Variants in BEND6 observed in about 807,000 individuals in gnomAD.
BEND6 encodes the protein BEN domain-containing protein 6.
A neutral mutation model predicts 31.8 loss-of-function variants in BEND6; 24 were observed. The ratio of observed to expected loss-of-function variants is 0.75; its 90% CI spans 0.55 to 1.06. BEND6 has a LOEUF of 1.06. BEND6 is among the 50% of genes least tolerant of loss of function. The pLI is 0.00. For missense variants in BEND6, 294 were observed against 327.4 expected (o/e 0.90, Z 0.79); for synonymous variants, 109 against 114.6 (o/e 0.95, Z 0.31).
chr6:57,000,910 A>G (rs1182296133), intron 3 of BEND6, among the ~76,000 whole-genome samples: 1 of 150,794 alleles, frequency 6.6e-6, no homozygotes, highest in Non-Finnish European at 1.5e-5. Flanking sequence ...AAAGAAGTGC[A>G]TAGACCTATA....
At chr6:56,959,089 G>A (rs1370101314) in intron 1 of BEND6, among the ~76,000 whole-genome samples, 1 of 152,188 alleles carries the variant, frequency 6.6e-6, no homozygotes, top group African/African-American at 2.4e-5. Context: ...AGCCAGAAGA[G>A]GGAGAGAAAT....
At chr6:56,975,823 G>C in intron 1 of BEND6, 1 of 533,780 alleles carries the variant, frequency 1.9e-6, no homozygotes, top group Non-Finnish European at 3.8e-6. Flanking sequence ...CATTTACTCT[G>C]TAGGCCAAGA....
At chr6:57,020,089 C>CA (rs549732042) in intron 6 of BEND6, among the ~76,000 whole-genome samples, 1 of 151,734 alleles carries the variant, frequency 6.6e-6, no homozygotes, top group Non-Finnish European at 1.5e-5. Context: ...ACCTTGTTTC[C>CA]AAAAAAAGAA....
At chr6:56,979,775 G>A (rs1826008064) in intron 1 of BEND6, among the ~76,000 whole-genome samples, 2 of 152,194 alleles carry the variant, frequency 1.3e-5, no homozygotes. Context: ...TTGGCTTGCA[G>A]TATCTAAAAT....
chr6:56,992,393 G>T lies in BEND6; in HGVS notation c.136G>T (p.Gly46Ter). Residue 46 changes from glycine to a stop codon, truncating the protein, a stop_gained, in exon 3 of 7, where the codon GGA (glycine) becomes TGA (stop). Coordinates refer to ENST00000370746, the MANE Select transcript of BEND6 (RefSeq NM_152731.3). LOFTEE classifies it high-confidence loss of function. ...TCTATTTTAGAGAGACCCATATTCG[G>T]GAAATGCCTTTCTGCCTGGTGAAAG... ...MDKGQRDPYS[G>*]NAFLPGESSS... 1 of 1,608,872 alleles carries T rather than the reference G, an allele frequency of 6.2e-7. No individual in the cohort carries two copies.
intron 1 of BEND6, among the ~76,000 whole-genome samples, chr6:56,963,294 C>G (rs551082632): frequency 2.0e-5 from 3 of 152,350 alleles, no homozygotes; most frequent in African/African-American, 7.2e-5. Context: ...GACACTCCAG[C>G]AGAACGTCAG....
chr6:56,974,770 G>C (rs1191527726), intron 1 of BEND6, among the ~76,000 whole-genome samples: 1 of 151,816 alleles, frequency 6.6e-6, no homozygotes, highest in Non-Finnish European at 1.5e-5. Flanking sequence ...ATATCTTATT[G>C]TTCAGGAAAC....
At chr6:56,993,210 T>C (rs1249488995) in intron 3 of BEND6, among the ~76,000 whole-genome samples, 8 of 152,256 alleles carry the variant, frequency 5.3e-5, no homozygotes, top group Non-Finnish European at 8.8e-5. Context: ...GATGTTCATG[T>C]GTTTATTTTT....
At chr6:57,018,615 T>A in intron 6 of BEND6, 58 bp downstream of exon 6, 1 of 1,358,748 alleles carries the variant, frequency 7.4e-7, no homozygotes, top group Non-Finnish European at 9.6e-7. Flanking sequence ...ATAATACTTT[T>A]ATTTTATTGG....
chr6:57,020,188 G>C (rs555079200), intron 6 of BEND6, among the ~76,000 whole-genome samples: 3 of 152,114 alleles, frequency 2.0e-5, no homozygotes, highest in African/African-American at 7.2e-5. Flanking sequence ...TCAATTATTA[G>C]ATAATTGCTT....
At position 56,981,729 on chromosome 6, in the gene BEND6, A is replaced by G. The variant is rs975954032; in HGVS notation, c.-82A>G. On this transcript the variant is annotated 5_prime_UTR_variant, in exon 2 of 7. Coordinates refer to ENST00000370746, the MANE Select transcript of BEND6 (RefSeq NM_152731.3). Reference sequence around the variant, plus strand: ...TTTTAAGGGAAAGCATTAACTTTTGAGCTACGTCCAGAATAGCATCATCTT... The same window carrying G: ...TTTTAAGGGAAAGCATTAACTTTTGGGCTACGTCCAGAATAGCATCATCTT... 4.7e-6 allele frequency: 7 copies of G among 1,495,684 alleles called. No homozygotes were observed. In the African/African-American group the frequency reaches 1.0e-4, roughly 21 times the overall value. The allele number at this position is 1,495,684 out of a possible 1,614,324, so 92.7% of individuals were successfully genotyped here. A position where few individuals can be genotyped will look rare whatever the true frequency, so the allele number is the denominator to read the frequency against.
chr6:56,979,230 C>A (rs750456911), intron 1 of BEND6, among the ~76,000 whole-genome samples: 8 of 151,964 alleles, frequency 5.3e-5, no homozygotes, highest in Non-Finnish European at 1.0e-4. Context: ...TGCTAAAAGG[C>A]AAATATCAAG....
intron 2 of BEND6, among the ~76,000 whole-genome samples, chr6:56,986,071 C>A (rs17685338): frequency 0.12 from 17,985 of 152,126 alleles, 1,370 homozygotes; most frequent in Middle Eastern, 0.19. Context: ...AATAGGCTAT[C>A]TTCAGTTTTT....
chr6:56,983,922 T>C (rs939273857), intron 2 of BEND6, among the ~76,000 whole-genome samples: 1 of 152,176 alleles, frequency 6.6e-6, no homozygotes, highest in African/African-American at 2.4e-5. Flanking sequence ...CATGTCCTTT[T>C]AAGAAACTTT....
rs368225608 is a variant in BEND6, at chr6:57,019,091, T to C, written c.*9+534T>C. On this transcript the variant is annotated intron_variant, in intron 6 of 6. Transcript: ENST00000370746. The stretch of plus-strand genomic sequence containing the variant: ...CAGCGTTCTTCTCCACCATCCTACA[T>C]GTTGCTTCGCATGGTCTTTAAATTT... 9.2e-4 allele frequency among the ~76,000 whole-genome samples: 140 copies of C among 152,360 alleles called. 5 individuals carry two copies. The South Asian group carries it at 0.029, about 31-fold the overall frequency.
chr6:56,982,462 C>G (rs543327807), intron 2 of BEND6, among the ~76,000 whole-genome samples: 1 of 152,072 alleles, frequency 6.6e-6, no homozygotes, highest in East Asian at 1.9e-4. Flanking sequence ...GGTCAGGGTG[C>G]CTTTCCTATT....
intron 1 of BEND6, among the ~76,000 whole-genome samples, chr6:56,965,328 C>T (rs1825435156): frequency 6.6e-6 from 1 of 151,878 alleles, no homozygotes; most frequent in Admixed American, 6.6e-5. Context: ...TGACTCAGCA[C>T]ATTAATTATA....
chr6:56,966,888 G>C (rs1490444864), intron 1 of BEND6, among the ~76,000 whole-genome samples: 1 of 152,160 alleles, frequency 6.6e-6, no homozygotes, highest in Non-Finnish European at 1.5e-5. Flanking sequence ...ATACAGATAA[G>C]AGCATGCATG....
intron 3 of BEND6, among the ~76,000 whole-genome samples, chr6:57,014,888 T>C (rs570961224): frequency 6.6e-6 from 1 of 152,358 alleles, no homozygotes; most frequent in East Asian, 1.9e-4. Flanking sequence ...AAGTAATGCA[T>C]ATACATTTAA....
Sources: gnomAD v4.1 joint callset for allele counts (sites outside exome capture counted in the v4.1 genomes callset) on GRCh38, gnomAD v4.1.1 for gene constraint, MANE v1.5 for transcripts, NCBI Gene and HGNC (gene_info 2026-07-23, HGNC 2026-07-21) for gene names.